TACR3: variants seen among roughly 807,000 people sequenced by gnomAD.
The protein encoded by TACR3 is neuromedin-K receptor.
In TACR3, 34 loss-of-function variants were observed where a neutral mutation model predicts 35.0. The observed-to-expected ratio is 0.97, with a 90% CI of 0.74 to 1.30. The LOEUF (loss-of-function observed/expected upper bound fraction) is 1.30, where lower values mean the gene tolerates loss of function less well. Ranked by LOEUF, TACR3 falls within the 50% of genes most tolerant of loss-of-function variation. The probability of loss-of-function intolerance (pLI) is 0.00; values close to 1 mark genes in which losing one functional copy is unlikely to be tolerated. For missense variants in TACR3, 558 were observed against 591.7 expected (o/e 0.94, Z 0.59); for synonymous variants, 233 against 221.1 (o/e 1.05, Z -0.48).
At chr4:103,711,602 C>G (rs970330102) in intron 1 of TACR3, among the ~76,000 whole-genome samples, 2 of 152,166 alleles carry the variant, frequency 1.3e-5, no homozygotes, top group African/African-American at 2.4e-5. Context: ...GATGCCCTCT[C>G]TCAACACTCC....
intron 3 of TACR3, among the ~76,000 whole-genome samples, chr4:103,629,704 G>A (rs1304637175): frequency 6.6e-6 from 1 of 151,792 alleles, no homozygotes; most frequent in Non-Finnish European, 1.5e-5. Flanking sequence ...TCGTGAAAAT[G>A]GCCATACTGC....
At chr4:103,623,408 A>G (rs1218471387) in intron 3 of TACR3, among the ~76,000 whole-genome samples, 1 of 152,090 alleles carries the variant, frequency 6.6e-6, no homozygotes, top group South Asian at 2.1e-4. Context: ...ACAACTTCAT[A>G]TGCTGGAAAA....
intron 1 of TACR3, among the ~76,000 whole-genome samples, chr4:103,679,276 T>C (rs1260874679): frequency 6.6e-6 from 1 of 152,060 alleles, no homozygotes; most frequent in African/African-American, 2.4e-5. Context: ...ATGGAAGTCA[T>C]ACTTTCTGAG....
intron 1 of TACR3, among the ~76,000 whole-genome samples, chr4:103,678,250 A>G (rs540779519): frequency 6.6e-6 from 1 of 152,266 alleles, no homozygotes; most frequent in South Asian, 2.1e-4. Flanking sequence ...TCTACACTGT[A>G]TCAATTTTTT....
Position 103,587,576 on chromosome 4 carries a change from T to C in TACR3, c.*2106A>G, listed in dbSNP as rs1397092689. The C allele has an allele frequency of 6.6e-6, 1 of 152,122 alleles. No individual in the cohort carries two copies. The highest frequency in any genetic ancestry group is 1.5e-5 in the Non-Finnish European group (1 of 67,982). The allele number at this position is 152,122 out of a possible 1,614,324, so 9.4% of individuals were successfully genotyped here. The stretch of plus-strand genomic sequence containing the variant: ...CCAGGAGTTATATTTTTCAAATGTA[T>C]GATACTTTGGTAGTGGCTGATGACA... On this transcript the variant is annotated 3_prime_UTR_variant, in exon 5 of 5. Transcript: ENST00000304883.
intron 1 of TACR3, among the ~76,000 whole-genome samples, chr4:103,691,159 C>T (rs1184668359): frequency 6.6e-6 from 1 of 152,160 alleles, no homozygotes; most frequent in African/African-American, 2.4e-5. Context: ...AAAACCCATA[C>T]ATGAACACTC....
chr4:103,701,186 G>T (rs1201377322), intron 1 of TACR3, among the ~76,000 whole-genome samples: 1 of 152,106 alleles, frequency 6.6e-6, no homozygotes, highest in Non-Finnish European at 1.5e-5. Context: ...AAGCTGATAG[G>T]CAACTTCAGC....
chr4:103,704,585 A>G (rs1400464388), intron 1 of TACR3, among the ~76,000 whole-genome samples: 2 of 152,224 alleles, frequency 1.3e-5, no homozygotes, highest in African/African-American at 4.8e-5. Context: ...TTATAAAATC[A>G]TCAGATCCCA....
intron 3 of TACR3, among the ~76,000 whole-genome samples, chr4:103,629,866 A>ACAAAG (rs1560814037): frequency 7.3e-6 from 1 of 137,338 alleles, no homozygotes; most frequent in Non-Finnish European, 1.6e-5. Flanking sequence ...AAAAACAAAA[A>ACAAAG]AAAAACAAAA....
At chr4:103,698,651 T>A (rs917187667) in intron 1 of TACR3, among the ~76,000 whole-genome samples, 3 of 152,114 alleles carry the variant, frequency 2.0e-5, no homozygotes, top group African/African-American at 7.2e-5. Context: ...TTTCACATGT[T>A]CTTACTCATA....
rs1402610733 is a variant in TACR3, at chr4:103,587,962, G to A, written c.*1720C>T. ...TGTTGCATTCATTAAATGATTGAAT[G>A]TGTAGGCACATTTGTATGTGTGTGT... On this transcript the variant is annotated 3_prime_UTR_variant, in exon 5 of 5. Transcript: ENST00000304883. 6.6e-6 allele frequency: 1 copy of A among 151,362 alleles called. No individual in the cohort carries two copies. The highest frequency in any genetic ancestry group is 1.9e-4 in the East Asian group (1 of 5,174). The allele number at this position is 151,362 out of a possible 1,614,324, so 9.4% of individuals were successfully genotyped here. A position where few individuals can be genotyped will look rare whatever the true frequency, so the allele number is the denominator to read the frequency against.
chr4:103,633,693 G>T (rs1179124862), intron 3 of TACR3, among the ~76,000 whole-genome samples: 1 of 152,040 alleles, frequency 6.6e-6, no homozygotes, highest in Non-Finnish European at 1.5e-5. Flanking sequence ...ATTTCACTTA[G>T]AATAATAGTC....
intron 1 of TACR3, among the ~76,000 whole-genome samples, chr4:103,688,095 A>C (rs1188829871): frequency 6.6e-6 from 1 of 152,166 alleles, no homozygotes; most frequent in African/African-American, 2.4e-5. Flanking sequence ...ATAATGCCGC[A>C]TATCTACAAA....
At chr4:103,704,362 A>C (rs903869722) in intron 1 of TACR3, among the ~76,000 whole-genome samples, 1 of 152,166 alleles carries the variant, frequency 6.6e-6, no homozygotes, top group Admixed American at 6.5e-5. Context: ...GGAAGTGTTG[A>C]CATTGCTGTA....
chr4:103,655,936 TA>T (rs2110329359), intron 3 of TACR3, among the ~76,000 whole-genome samples: 1 of 152,098 alleles, frequency 6.6e-6, no homozygotes, highest in Non-Finnish European at 1.5e-5. Context: ...TTCAGCAGAG[TA>T]ATTAAGAATA....
intron 1 of TACR3, among the ~76,000 whole-genome samples, chr4:103,670,643 G>T (rs1726038363): frequency 1.3e-5 from 2 of 151,918 alleles, no homozygotes; most frequent in African/African-American, 4.8e-5. Flanking sequence ...GAATGCTATT[G>T]ATTTTTGTAT....
At chr4:103,687,407 C>A (rs1473739774) in intron 1 of TACR3, among the ~76,000 whole-genome samples, 1 of 152,004 alleles carries the variant, frequency 6.6e-6, no homozygotes, top group Non-Finnish European at 1.5e-5. Context: ...GGCAATTAGG[C>A]AGGAGAAGGA....
At chr4:103,664,706 C>G (rs1451318757) in intron 1 of TACR3, among the ~76,000 whole-genome samples, 1 of 152,150 alleles carries the variant, frequency 6.6e-6, no homozygotes, top group Non-Finnish European at 1.5e-5. Context: ...GTATTTTCTG[C>G]TTCTCTGCTT....
chr4:103,611,620 A>G (rs370412738), intron 3 of TACR3, among the ~76,000 whole-genome samples: 26 of 150,874 alleles, frequency 1.7e-4, no homozygotes, highest in Admixed American at 4.7e-4. Context: ...TTATGTTTCA[A>G]TTATAGTTAA....
Sources: allele counts gnomAD v4.1 joint callset (sites outside exome capture counted in the v4.1 genomes callset), GRCh38; gene constraint gnomAD v4.1.1; transcripts MANE v1.5; gene names NCBI Gene and HGNC (gene_info 2026-07-23, HGNC 2026-07-21).